PKNOX2: variants seen among roughly 807,000 people sequenced by gnomAD.
The protein encoded by PKNOX2 is homeobox protein PKNOX2.
A neutral mutation model predicts 53.1 loss-of-function variants in PKNOX2; 14 were observed. The ratio of observed to expected loss-of-function variants is 0.26; its 90% CI spans 0.17 to 0.41. PKNOX2 has a LOEUF of 0.41. PKNOX2 is among the 10% of genes least tolerant of loss of function. PKNOX2 has a pLI of 1.00. For missense variants in PKNOX2, 496 were observed against 602.8 expected (o/e 0.82, Z 1.85); for synonymous variants, 257 against 242.8 (o/e 1.06, Z -0.54).
chr11:125,192,106 G>T (rs1420240077), intron 1 of PKNOX2, among the ~76,000 whole-genome samples: 1 of 152,144 alleles, frequency 6.6e-6, no homozygotes, highest in Non-Finnish European at 1.5e-5. Flanking sequence ...AATTGCGGCA[G>T]GGGGAGGGCT....
In PKNOX2 at chr11:125,431,320, G is replaced by A. The variant is rs1252921350; in HGVS notation, c.1347G>A (p.Glu449=). ...AAGAGGAGGAGGAGGAGGAGCTGGA[G>A]GAGGAGGTCGACGAGCTGCAGACGA... ...EMEEEEEEEL[E]EEVDELQTTN... Residue 449 remains glutamate (E), a synonymous_variant, in exon 13 of 13, where the codon GAG becomes GAA. Coordinates refer to ENST00000298282, the MANE Select transcript of PKNOX2 (RefSeq NM_001382323.2). 2 of 1,613,742 alleles carry A rather than the reference G, an allele frequency of 1.2e-6. No individual in the cohort carries two copies. Among genetic ancestry groups the A allele is most frequent in the Non-Finnish European group, 1.7e-6 (2 of 1,179,958 alleles).
intron 5 of PKNOX2, among the ~76,000 whole-genome samples, chr11:125,372,223 T>G (rs1217809464): frequency 6.6e-6 from 1 of 152,164 alleles, no homozygotes; most frequent in Non-Finnish European, 1.5e-5. Context: ...TCGTAGCATT[T>G]GCTGATCCCC....
intron 1 of PKNOX2, among the ~76,000 whole-genome samples, chr11:125,218,286 C>G (rs1025812): frequency 0.14 from 21,606 of 151,878 alleles, 1,621 homozygotes; most frequent in Middle Eastern, 0.18. Context: ...AAGACCTTGT[C>G]CCTGCCGTCA....
At chr11:125,189,419 G>A (rs1727136771) in intron 1 of PKNOX2, among the ~76,000 whole-genome samples, 3 of 40,214 alleles carry the variant, frequency 7.5e-5, no homozygotes, top group African/African-American at 1.7e-4. Flanking sequence ...ATATATGTGT[G>A]TGTGTGTGTG....
At chr11:125,177,875 T>C (rs1389834117) in intron 1 of PKNOX2, among the ~76,000 whole-genome samples, 1 of 152,096 alleles carries the variant, frequency 6.6e-6, no homozygotes, top group Non-Finnish European at 1.5e-5. Flanking sequence ...CTGGGTGTCT[T>C]GGAAGAACCA....
At position 125,220,562 on chromosome 11, in the gene PKNOX2, C is replaced by T. The variant is rs113857425; in HGVS notation, c.-200-14483C>T. 1.4e-4 allele frequency among the ~76,000 whole-genome samples: 22 copies of T among 152,126 alleles called. 1 individual carries two copies. Among genetic ancestry groups the T allele is most frequent in the African/African-American group, 4.1e-4 (17 of 41,484 alleles). On this transcript the variant is annotated intron_variant, in intron 1 of 12. Coordinates refer to ENST00000298282, the MANE Select transcript of PKNOX2 (RefSeq NM_001382323.2). Reference sequence around the variant, plus strand: ...TGCCACCATTGTGAGATGGGAAGGCCGGAGAGAAGCATGTTGGGGGAAAAG... The same window carrying T: ...TGCCACCATTGTGAGATGGGAAGGCTGGAGAGAAGCATGTTGGGGGAAAAG...
intron 1 of PKNOX2, among the ~76,000 whole-genome samples, chr11:125,202,733 T>C (rs1176996961): frequency 6.6e-6 from 1 of 151,548 alleles, no homozygotes; most frequent in Non-Finnish European, 1.5e-5. Flanking sequence ...GGGGGAGGGG[T>C]GAGTGCTCTG....
intron 4 of PKNOX2, among the ~76,000 whole-genome samples, chr11:125,356,023 A>C (rs1951586797): frequency 1.5e-5 from 2 of 136,466 alleles, no homozygotes; most frequent in Admixed American, 7.4e-5. Flanking sequence ...CACTCTCACT[A>C]TCAGCACCCC....
chr11:125,170,019 T>C (rs950981773), intron 1 of PKNOX2, among the ~76,000 whole-genome samples: 2 of 152,224 alleles, frequency 1.3e-5, no homozygotes, highest in East Asian at 3.9e-4. Flanking sequence ...CAGCCCCTTC[T>C]CTTTATTCCA....
intron 2 of PKNOX2, among the ~76,000 whole-genome samples, chr11:125,236,203 G>A (rs1008304097): frequency 2.0e-5 from 3 of 152,200 alleles, no homozygotes; most frequent in African/African-American, 7.2e-5. Flanking sequence ...TGAGCAGGGC[G>A]CCGGCCCTCC....
intron 1 of PKNOX2, among the ~76,000 whole-genome samples, chr11:125,228,672 A>C (rs1003149395): frequency 6.6e-6 from 1 of 152,196 alleles, no homozygotes; most frequent in Non-Finnish European, 1.5e-5. Flanking sequence ...AGTGATTAAC[A>C]TGGTGTAAGC....
At chr11:125,423,405 T>C (rs1409363902) in intron 10 of PKNOX2, among the ~76,000 whole-genome samples, 3 of 152,122 alleles carry the variant, frequency 2.0e-5, no homozygotes, top group Admixed American at 6.5e-5. Flanking sequence ...AAAAGCAGCA[T>C]TATTAGTGAG....
chr11:125,360,794 C>G lies in PKNOX2; in HGVS notation c.88-7052C>G, dbSNP rs979056807. On this transcript the variant is annotated intron_variant, in intron 4 of 12. Coordinates refer to ENST00000298282, the MANE Select transcript of PKNOX2 (RefSeq NM_001382323.2). ...CCATATGCTGAATAGCTACTGAGGGCCAGCTACTTTGCATATAATTGTCTC... is the reference window on the plus strand; with the variant it reads ...CCATATGCTGAATAGCTACTGAGGGGCAGCTACTTTGCATATAATTGTCTC... Among the ~76,000 whole-genome samples, 10 of 152,202 alleles carry G rather than the reference C, an allele frequency of 6.6e-5. 1 individual carries two copies. The highest frequency in any genetic ancestry group is 2.4e-4 in the African/African-American group (10 of 41,440).
At chr11:125,192,674 G>A (rs954470992) in intron 1 of PKNOX2, among the ~76,000 whole-genome samples, 3 of 152,164 alleles carry the variant, frequency 2.0e-5, no homozygotes, top group African/African-American at 7.2e-5. Context: ...CCCTGGAAGG[G>A]AGGTGTTTGC....
At chr11:125,364,686 C>T (rs1337339837) in intron 4 of PKNOX2, among the ~76,000 whole-genome samples, 2 of 152,252 alleles carry the variant, frequency 1.3e-5, no homozygotes, top group African/African-American at 2.4e-5. Context: ...TTCCGGAAAT[C>T]TCGTGTTTAA....
At chr11:125,284,336 T>C (rs1174747652) in intron 2 of PKNOX2, among the ~76,000 whole-genome samples, 2 of 152,222 alleles carry the variant, frequency 1.3e-5, no homozygotes, top group African/African-American at 2.4e-5. Context: ...TGTCTTATCC[T>C]GGACCCTTTG....
intron 7 of PKNOX2, among the ~76,000 whole-genome samples, chr11:125,398,791 A>T (rs778484126): frequency 1.3e-5 from 2 of 152,188 alleles, no homozygotes; most frequent in Non-Finnish European, 2.9e-5. Flanking sequence ...ACTCACAGAC[A>T]TCTGCATAAG....
chr11:125,348,541 C>A (rs1951118662), intron 3 of PKNOX2, among the ~76,000 whole-genome samples: 2 of 152,212 alleles, frequency 1.3e-5, no homozygotes, highest in African/African-American at 4.8e-5. Context: ...TCTGGCCCTG[C>A]TCCGCAGCCT....
At chr11:125,196,966 A>G (rs1381078378) in intron 1 of PKNOX2, among the ~76,000 whole-genome samples, 1 of 152,194 alleles carries the variant, frequency 6.6e-6, no homozygotes, top group Non-Finnish European at 1.5e-5. Flanking sequence ...ATTTTACCCT[A>G]TTGGGTAAAG....
Sources: allele counts gnomAD v4.1 joint callset (sites outside exome capture counted in the v4.1 genomes callset), GRCh38; gene constraint gnomAD v4.1.1; transcripts MANE v1.5; gene names NCBI Gene and HGNC (gene_info 2026-07-23, HGNC 2026-07-21).